Variants in TYW1B observed in about 807,000 individuals in gnomAD.
TYW1B encodes the protein S-adenosyl-L-methionine-dependent tRNA 4-demethylwyosine synthase TYW1B.
A neutral mutation model predicts 86.9 loss-of-function variants in TYW1B; 73 were observed. The ratio of observed to expected loss-of-function variants is 0.84; its 90% confidence interval spans 0.70 to 1.02. The LOEUF is 1.02. Among genes scored for constraint, TYW1B ranks in the 50% least tolerant of loss-of-function variants. TYW1B has a pLI of 0.00. For synonymous variants in TYW1B, 248 were observed against 292.8 expected (o/e 0.85, Z 1.56); for missense variants, 637 against 827.4 (o/e 0.77, Z 2.82).
chr7:72,596,888 T>C (rs548634265), intron 13 of TYW1B, among the ~76,000 whole-genome samples: 370 of 150,828 alleles, frequency 2.5e-3, no homozygotes, highest in African/African-American at 8.8e-3. Flanking sequence ...TAAGGGATAC[T>C]ACCCAAAATA....
In TYW1B at chr7:72,638,675, CAG is replaced by C. The variant is rs536352909; in HGVS notation, c.1507-9680_1507-9679del. ...TCCTAATCAATGCAGTAAGACAAGA[CAG>C]GGGAATACAAAGAAAACAGATTTGG... On this transcript the variant is annotated intron_variant, in intron 11 of 13. Coordinates refer to ENST00000620995, the MANE Select transcript of TYW1B (RefSeq NM_001145440.3). 2.2e-4 allele frequency among the ~76,000 whole-genome samples: 33 copies of C among 152,278 alleles called. No homozygotes were observed. In the South Asian group the frequency reaches 5.8e-3, roughly 27 times the overall value.
At chr7:72,749,387 G>A (rs1554464470) in intron 7 of TYW1B, among the ~76,000 whole-genome samples, 2 of 152,058 alleles carry the variant, frequency 1.3e-5, no homozygotes. Context: ...TCTGCCTCTT[G>A]GGTTCACGCC....
At chr7:72,618,313 T>A (rs1554437319) in intron 12 of TYW1B, among the ~76,000 whole-genome samples, 2 of 143,986 alleles carry the variant, frequency 1.4e-5, no homozygotes, top group South Asian at 2.2e-4. Flanking sequence ...GCCTCCTGGG[T>A]TGAAGCGATT....
At chr7:72,608,634 G>GA (rs1250393838) in intron 13 of TYW1B, among the ~76,000 whole-genome samples, 3 of 152,102 alleles carry the variant, frequency 2.0e-5, no homozygotes, top group African/African-American at 7.2e-5. Flanking sequence ...TTGCCTATAA[G>GA]AAACTCACTT....
chr7:72,777,824 G>A (rs1283537763), intron 6 of TYW1B, among the ~76,000 whole-genome samples: 1 of 152,162 alleles, frequency 6.6e-6, no homozygotes, highest in African/African-American at 2.4e-5. Flanking sequence ...GCTGAGGCAG[G>A]AGAATCGCTT....
chr7:72,729,599 C>G (rs1787067395), intron 8 of TYW1B, among the ~76,000 whole-genome samples: 1 of 152,064 alleles, frequency 6.6e-6, no homozygotes, highest in South Asian at 2.1e-4. Context: ...CCATGCAGAA[C>G]CTTGTAGTCC....
Position 72,712,842 on chromosome 7 carries a change from C to T in TYW1B, c.1370+779G>A, listed in dbSNP as rs1400173639. Among the ~76,000 whole-genome samples, 4 of 152,292 alleles carry T rather than the reference C, an allele frequency of 2.6e-5. No individual in the cohort carries two copies. The East Asian group carries it at 5.8e-4, about 22-fold the overall frequency. On this transcript the variant is annotated intron_variant, in intron 10 of 13. Transcript: ENST00000620995. ...GACCATCTAATCCCAACCTTTCTAA[C>T]TTGACTTCCACCTGCCACTCTCTTT...
chr7:72,771,849 AT>A (rs781905339), intron 7 of TYW1B, among the ~76,000 whole-genome samples: 907 of 142,728 alleles, frequency 6.4e-3, no homozygotes, highest in African/African-American at 5.6e-3. Flanking sequence ...TAAAGAAATG[AT>A]TTTTTTTTTT....
intron 11 of TYW1B, among the ~76,000 whole-genome samples, chr7:72,653,743 T>A (rs1471113573): frequency 3.3e-5 from 5 of 151,840 alleles, no homozygotes; most frequent in Non-Finnish European, 7.4e-5. Flanking sequence ...TCATATCAAT[T>A]GACAATGAAA....
rs57924193 is a variant in TYW1B, at chr7:72,603,975, A to G, written c.1785+12697T>C. ...AGAAAAAGGACATTAGGTAAAACCT[A>G]AGGAAATCTAAATAAACTGTGGACT... On this transcript the variant is annotated intron_variant, in intron 13 of 13. Coordinates refer to ENST00000620995, the MANE Select transcript of TYW1B (RefSeq NM_001145440.3). 2.6e-5 allele frequency among the ~76,000 whole-genome samples: 4 copies of G among 152,302 alleles called. No individual in the cohort carries two copies. The East Asian group carries it at 7.7e-4, about 29-fold the overall frequency.
At chr7:72,670,815 C>T (rs1554446234) in intron 11 of TYW1B, among the ~76,000 whole-genome samples, 1 of 152,174 alleles carries the variant, frequency 6.6e-6, no homozygotes, top group African/African-American at 2.4e-5. Context: ...GCTCAAACAA[C>T]ATATTCAAGT....
chr7:72,751,089 G>A (rs1172375362), intron 7 of TYW1B, among the ~76,000 whole-genome samples: 1 of 151,424 alleles, frequency 6.6e-6, no homozygotes, highest in Non-Finnish European at 1.5e-5. Context: ...CCAGGCTGAA[G>A]TGCGGTGGTA....
chr7:72,815,727 A>G (rs1303071920), intron 2 of TYW1B, among the ~76,000 whole-genome samples: 1 of 152,168 alleles, frequency 6.6e-6, no homozygotes, highest in African/African-American at 2.4e-5. Flanking sequence ...TGGATGATCA[A>G]TCTGCCTTGC....
chr7:72,808,151 T>A (rs1788531610), intron 4 of TYW1B, among the ~76,000 whole-genome samples: 1 of 152,088 alleles, frequency 6.6e-6, no homozygotes, highest in Non-Finnish European at 1.5e-5. Flanking sequence ...TAGTCTAATT[T>A]ATTTGAAAAT....
intron 11 of TYW1B, among the ~76,000 whole-genome samples, chr7:72,649,231 A>G (rs1279367513): frequency 1.3e-5 from 2 of 152,200 alleles, no homozygotes; most frequent in African/African-American, 4.8e-5. Context: ...CTGAAGACAA[A>G]ATAGCTGAAA....
intron 6 of TYW1B, among the ~76,000 whole-genome samples, chr7:72,789,226 C>T (rs182661408): frequency 1.3e-5 from 2 of 152,026 alleles, no homozygotes; most frequent in Non-Finnish European, 1.5e-5. Flanking sequence ...CTCCGCCTCC[C>T]GAGTTCAAGC....
chr7:72,736,599 C>T (rs1292285514), intron 8 of TYW1B, among the ~76,000 whole-genome samples: 4 of 152,246 alleles, frequency 2.6e-5, no homozygotes, highest in East Asian at 1.9e-4. Flanking sequence ...CAAAAAGAAA[C>T]GCTATCCCCT....
intron 11 of TYW1B, among the ~76,000 whole-genome samples, chr7:72,658,680 T>C (rs1299559532): frequency 2.0e-5 from 3 of 152,240 alleles, no homozygotes; most frequent in Admixed American, 6.5e-5. Flanking sequence ...TGGATATGTA[T>C]GTACAAATAT....
At chr7:72,767,572 T>C (rs1362311031) in intron 7 of TYW1B, among the ~76,000 whole-genome samples, 1 of 151,916 alleles carries the variant, frequency 6.6e-6, no homozygotes, top group African/African-American at 2.4e-5. Context: ...ATCACACCAC[T>C]GCACTCCAGC....
Sources: gnomAD v4.1 joint callset for allele counts (sites outside exome capture counted in the v4.1 genomes callset) on GRCh38, gnomAD v4.1.1 for gene constraint, MANE v1.5 for transcripts, NCBI Gene and HGNC (gene_info 2026-07-23, HGNC 2026-07-21) for gene names.